RGL1: variants seen among roughly 807,000 people sequenced by gnomAD.
RGL1 encodes ral guanine nucleotide dissociation stimulator-like 1.
RGL1 carries 24 observed loss-of-function variants against 95.2 expected under a neutral mutation model. The observed-to-expected ratio is 0.25, with a 90% CI of 0.18 to 0.35. RGL1 has a LOEUF of 0.35. Ranked by LOEUF, RGL1 falls within the 10% of genes least tolerant of loss-of-function variation. The pLI is 1.00. For missense variants in RGL1, 715 were observed against 936.3 expected, an observed-to-expected ratio of 0.76 and a Z score of 3.08; for synonymous variants, 329 against 344.9, an observed-to-expected ratio of 0.95 and a Z score of 0.51.
At chr1:183,916,354 A>G in intron 15 of RGL1, 93 bp from the exon 16 acceptor site, 5 of 1,448,794 alleles carry the variant, frequency 3.5e-6, no homozygotes, top group African/African-American at 1.4e-5. Context: ...ACTGCAGTCT[A>G]TCAGTCTTGA....
At chr1:183,828,324 G>A (rs1477204439) in intron 2 of RGL1, among the ~76,000 whole-genome samples, 1 of 152,196 alleles carries the variant, frequency 6.6e-6, no homozygotes, top group Non-Finnish European at 1.5e-5. Flanking sequence ...CTACGATGAT[G>A]TCTTTTCCCT....
intron 13 of RGL1, among the ~76,000 whole-genome samples, chr1:183,906,536 T>C (rs929314159): frequency 1.6e-4 from 25 of 152,124 alleles, no homozygotes; most frequent in African/African-American, 5.6e-4. Flanking sequence ...TCATTGACGA[T>C]CAGATAGATT....
chr1:183,870,546 G>C (rs146836858), intron 4 of RGL1, among the ~76,000 whole-genome samples: 1 of 152,010 alleles, frequency 6.6e-6, no homozygotes, highest in African/African-American at 2.4e-5. Flanking sequence ...TCTTGCTGAC[G>C]CGTGCTGCTG....
intron 1 of RGL1, among the ~76,000 whole-genome samples, chr1:183,638,777 A>G (rs1649715995): frequency 6.6e-6 from 1 of 152,186 alleles, no homozygotes; most frequent in South Asian, 2.1e-4. Context: ...TTCAATACTG[A>G]AGCAGGACCG....
At chr1:183,644,896 G>A (rs1650179912) in intron 1 of RGL1, among the ~76,000 whole-genome samples, 1 of 151,990 alleles carries the variant, frequency 6.6e-6, no homozygotes, top group African/African-American at 2.4e-5. Context: ...CATAGAAAAC[G>A]GATTTCTAGT....
chr1:183,812,385 C>T (rs1463986401), intron 2 of RGL1, among the ~76,000 whole-genome samples: 1 of 152,122 alleles, frequency 6.6e-6, no homozygotes, highest in Non-Finnish European at 1.5e-5. Context: ...TGCTAGTAAA[C>T]ACATCCAGTG....
chr1:183,713,920 T>G (rs1198481189), intron 1 of RGL1, among the ~76,000 whole-genome samples: 1 of 152,236 alleles, frequency 6.6e-6, no homozygotes, highest in African/African-American at 2.4e-5. Context: ...AAATATTTGT[T>G]TGATGAATGA....
At chr1:183,729,059 C>T (rs1656474252) in intron 1 of RGL1, among the ~76,000 whole-genome samples, 1 of 152,014 alleles carries the variant, frequency 6.6e-6, no homozygotes, top group Admixed American at 6.6e-5. Flanking sequence ...ATTTCTTAAA[C>T]AGGACACAAA....
At chr1:183,907,805 T>A (rs867957183) in intron 14 of RGL1, among the ~76,000 whole-genome samples, 42 of 152,170 alleles carry the variant, frequency 2.8e-4, no homozygotes, top group African/African-American at 9.6e-4. Context: ...GCCTGGACAA[T>A]GTAGTGAGAT....
chr1:183,664,483 C>T (rs1436322363), intron 1 of RGL1, among the ~76,000 whole-genome samples: 2 of 151,484 alleles, frequency 1.3e-5, no homozygotes, highest in Non-Finnish European at 2.9e-5. Context: ...AACTTGGGCT[C>T]AGAGTTGTTT....
intron 1 of RGL1, among the ~76,000 whole-genome samples, chr1:183,735,052 C>T (rs537691840): frequency 7.4e-5 from 11 of 148,894 alleles, no homozygotes; most frequent in African/African-American, 2.7e-4. Context: ...GTAGTACAAA[C>T]CCACTCTGGA....
At chr1:183,862,888 A>G (rs1455150114) in intron 3 of RGL1, among the ~76,000 whole-genome samples, 1 of 152,254 alleles carries the variant, frequency 6.6e-6, no homozygotes, top group African/African-American at 2.4e-5. Flanking sequence ...CAATTAACAC[A>G]ACAACAAAAT....
intron 2 of RGL1, among the ~76,000 whole-genome samples, chr1:183,746,427 A>T (rs1657632449): frequency 6.6e-6 from 1 of 152,050 alleles, no homozygotes; most frequent in Non-Finnish European, 1.5e-5. Context: ...TTTACTCAAC[A>T]TTATGTTTAT....
intron 1 of RGL1, among the ~76,000 whole-genome samples, chr1:183,713,260 A>T (rs1041445888): frequency 6.6e-6 from 1 of 151,338 alleles, no homozygotes; most frequent in Non-Finnish European, 1.5e-5. Flanking sequence ...TCCTGACCTC[A>T]GGTGATCCTT....
At chr1:183,826,287 T>C (rs1246616926) in intron 2 of RGL1, among the ~76,000 whole-genome samples, 1 of 152,164 alleles carries the variant, frequency 6.6e-6, no homozygotes, top group Non-Finnish European at 1.5e-5. Flanking sequence ...CTCTATTTTT[T>C]AAATAAACAA....
At chr1:183,741,240 T>C (rs1338051082) in intron 1 of RGL1, among the ~76,000 whole-genome samples, 1 of 152,160 alleles carries the variant, frequency 6.6e-6, no homozygotes, top group African/African-American at 2.4e-5. Context: ...TTTAGGTAGA[T>C]GGAACATCAG....
At chr1:183,826,353 T>C (rs1202279440) in intron 2 of RGL1, among the ~76,000 whole-genome samples, 1 of 152,222 alleles carries the variant, frequency 6.6e-6, no homozygotes, top group East Asian at 1.9e-4. Flanking sequence ...CTTTACTTCC[T>C]CCTTAACACC....
chr1:183,841,295 A>G (rs998240911), intron 2 of RGL1, among the ~76,000 whole-genome samples: 1 of 152,214 alleles, frequency 6.6e-6, no homozygotes, highest in African/African-American at 2.4e-5. Flanking sequence ...GTATGCATAG[A>G]TCCCAAACAT....
intron 1 of RGL1, among the ~76,000 whole-genome samples, chr1:183,697,251 G>A (rs1654307454): frequency 6.6e-6 from 1 of 152,086 alleles, no homozygotes; most frequent in South Asian, 2.1e-4. Flanking sequence ...CCTTATCAGT[G>A]AGGCCTTTCC....
Sources: allele counts gnomAD v4.1 joint callset (sites outside exome capture counted in the v4.1 genomes callset), GRCh38; gene constraint gnomAD v4.1.1; transcripts MANE v1.5; gene names NCBI Gene and HGNC (gene_info 2026-07-23, HGNC 2026-07-21).